EYS: variants seen among roughly 807,000 people sequenced by gnomAD.
The protein encoded by EYS is protein eyes shut homolog.
Under a neutral mutation model 282.1 loss-of-function variants are expected in EYS, and 250 were observed. The observed-to-expected ratio is 0.89, with a 90% confidence interval of 0.80 to 0.98. EYS has a LOEUF of 0.98. Ranked by LOEUF, EYS falls within the 50% of genes least tolerant of loss-of-function variation. The probability of loss-of-function intolerance (pLI) is 0.00; values close to 1 mark genes in which losing one functional copy is unlikely to be tolerated. For synonymous variants in EYS, 1,355 were observed against 1,282.9 expected (o/e 1.06, Z -1.20); for missense variants, 4,016 against 3,709.0 (o/e 1.08, Z -2.15).
At chr6:65,414,994 AG>A (rs1172351758) in intron 5 of EYS, among the ~76,000 whole-genome samples, 1 of 152,124 alleles carries the variant, frequency 6.6e-6, no homozygotes, top group Non-Finnish European at 1.5e-5. Flanking sequence ...CAACCAAGGA[AG>A]GGGGAATGTA....
At chr6:64,266,145 A>C (rs1038838568) in intron 30 of EYS, among the ~76,000 whole-genome samples, 1 of 152,122 alleles carries the variant, frequency 6.6e-6, no homozygotes, top group Admixed American at 6.6e-5. Flanking sequence ...CTCTAAGACA[A>C]TCAGCTTGCA....
intron 12 of EYS, among the ~76,000 whole-genome samples, chr6:65,180,493 T>C (rs1334920375): frequency 6.6e-6 from 1 of 151,920 alleles, no homozygotes; most frequent in East Asian, 1.9e-4. Context: ...GGAATCCAAC[T>C]TACAAGGGAC....
At chr6:65,694,754 A>C (rs1473975419) in intron 1 of EYS, among the ~76,000 whole-genome samples, 2 of 139,746 alleles carry the variant, frequency 1.4e-5, no homozygotes, top group African/African-American at 5.0e-5. Flanking sequence ...AAAAAAAAAA[A>C]AAAACTTTGT....
chr6:65,332,346 A>G (rs1203621704), intron 11 of EYS: 1 of 782,812 alleles, frequency 1.3e-6, no homozygotes, highest in Non-Finnish European at 2.2e-6. Flanking sequence ...GATAAATCCC[A>G]CCTGGTCATG....
At position 65,290,372 on chromosome 6, in the gene EYS, T is replaced by C. The variant is rs1272035429; in HGVS notation, c.2023+5491A>G. ...CTATTATAAGAGAAAATACAAAAGATGAAAAAAATTGATTTTGATTTTATG... is the reference window on the plus strand; with the variant it reads ...CTATTATAAGAGAAAATACAAAAGACGAAAAAAATTGATTTTGATTTTATG... On this transcript the variant is annotated intron_variant, in intron 12 of 42. Coordinates refer to ENST00000503581, the MANE Select transcript of EYS (RefSeq NM_001142800.2). Among the ~76,000 whole-genome samples the C allele has an allele frequency of 4.6e-5, 7 of 151,090 alleles. No homozygotes were observed. In the East Asian group the frequency reaches 9.7e-4, roughly 21 times the overall value.
At chr6:64,259,646 A>ACGCGCG (rs200492676) in intron 30 of EYS, among the ~76,000 whole-genome samples, 2 of 146,250 alleles carry the variant, frequency 1.4e-5, no homozygotes, top group African/African-American at 5.2e-5. Flanking sequence ...ACTTTTACAC[A>ACGCGCG]CGCGCACACA....
At chr6:65,322,795 C>CA (rs57571912) in intron 11 of EYS, among the ~76,000 whole-genome samples, 1,120 of 71,190 alleles carry the variant, frequency 0.016, 26 homozygotes, top group East Asian at 0.11. Context: ...GAATCCGTCT[C>CA]AAAAAAAAAA....
At chr6:64,983,093 A>T (rs1770734916) in intron 14 of EYS, among the ~76,000 whole-genome samples, 1 of 151,108 alleles carries the variant, frequency 6.6e-6, no homozygotes, top group African/African-American at 2.4e-5. Context: ...TTTCCTCCAC[A>T]CTGATATTCT....
intron 14 of EYS, among the ~76,000 whole-genome samples, chr6:64,993,765 G>A (rs184510197): frequency 9.5e-4 from 141 of 148,556 alleles, no homozygotes; most frequent in Admixed American, 2.3e-3. Context: ...AATTGACATG[G>A]ATTTTCAACC....
intron 30 of EYS, among the ~76,000 whole-genome samples, chr6:64,295,558 G>GAAGAAGAAAGAAGAAGAA (rs1768940571): frequency 4.6e-5 from 2 of 43,506 alleles, no homozygotes; most frequent in African/African-American, 2.9e-4. Context: ...GAAGAAGAAA[G>GAAGAAGAAAGAAGAAGAA]AAGAAGAAAA....
intron 22 of EYS, among the ~76,000 whole-genome samples, chr6:64,730,627 A>G (rs6909707): frequency 0.98 from 149,230 of 152,182 alleles, 73,204 homozygotes; most frequent in Non-Finnish European, 1. Context: ...ACAGGCACGC[A>G]CCACCATGCC....
intron 31 of EYS, among the ~76,000 whole-genome samples, chr6:64,140,653 C>T (rs916003437): frequency 6.6e-6 from 1 of 152,142 alleles, no homozygotes; most frequent in Non-Finnish European, 1.5e-5. Flanking sequence ...GTTGGATTCC[C>T]ATATGGAAGG....
intron 15 of EYS, among the ~76,000 whole-genome samples, chr6:64,927,363 G>GA (rs763731818): frequency 9.2e-5 from 14 of 152,012 alleles, no homozygotes; most frequent in Non-Finnish European, 1.8e-4. Context: ...CCCTCTACAA[G>GA]AAAAGAAATA....
intron 26 of EYS, among the ~76,000 whole-genome samples, chr6:64,576,614 C>A (rs1765889476): frequency 6.6e-6 from 1 of 151,952 alleles, no homozygotes; most frequent in Non-Finnish European, 1.5e-5. Flanking sequence ...TATATTTATT[C>A]ATGAAATTTT....
intron 33 of EYS, among the ~76,000 whole-genome samples, chr6:64,025,701 G>T (rs1333983314): frequency 6.6e-6 from 1 of 152,114 alleles, no homozygotes; most frequent in Non-Finnish European, 1.5e-5. Flanking sequence ...CCCAACAAAA[G>T]CTGTTCCCGA....
At chr6:63,813,010 A>G (rs890484914) in intron 36 of EYS, among the ~76,000 whole-genome samples, 4 of 152,150 alleles carry the variant, frequency 2.6e-5, no homozygotes, top group Non-Finnish European at 2.9e-5. Flanking sequence ...GCAGGGTCTC[A>G]TTCTGTCACT....
At chr6:65,466,938 T>C (rs1765022421) in intron 5 of EYS, among the ~76,000 whole-genome samples, 1 of 152,332 alleles carries the variant, frequency 6.6e-6, no homozygotes, top group African/African-American at 2.4e-5. Context: ...CACAAAGCTC[T>C]AGCTCATCAA....
At chr6:64,624,924 G>T (rs1440252763) in intron 23 of EYS, among the ~76,000 whole-genome samples, 1 of 152,020 alleles carries the variant, frequency 6.6e-6, no homozygotes, top group Admixed American at 6.6e-5. Flanking sequence ...GAGTTCAGTG[G>T]CTATCCACAG....
intron 8 of EYS, among the ~76,000 whole-genome samples, chr6:65,368,327 G>T (rs565759787): frequency 6.6e-6 from 1 of 151,626 alleles, no homozygotes; most frequent in African/African-American, 2.4e-5. Context: ...TTAAGATACT[G>T]GTAAATTTCC....
Sources: gnomAD v4.1 joint callset for allele counts (sites outside exome capture counted in the v4.1 genomes callset) on GRCh38, gnomAD v4.1.1 for gene constraint, MANE v1.5 for transcripts, NCBI Gene and HGNC (gene_info 2026-07-23, HGNC 2026-07-21) for gene names.